Variants in DAB1 observed in about 807,000 individuals in gnomAD.
DAB1 encodes DAB adaptor protein 1.
In DAB1, 15 loss-of-function variants were observed where a neutral mutation model predicts 64.6. That is an observed-to-expected ratio of 0.23 (90% confidence interval 0.16 to 0.36). DAB1 has a LOEUF of 0.36. Ranked by LOEUF, DAB1 falls within the 10% of genes least tolerant of loss-of-function variation. The pLI is 1.00. For missense variants in DAB1, 596 were observed against 706.7 expected (o/e 0.84, Z 1.78); for synonymous variants, 235 against 251.9 (o/e 0.93, Z 0.64).
intron 5 of DAB1, among the ~76,000 whole-genome samples, chr1:57,934,744 C>T (rs150921170): frequency 2.6e-4 from 40 of 152,304 alleles, no homozygotes; most frequent in African/African-American, 6.3e-4. Context: ...GGCCATGCCA[C>T]GGTACTTCCT....
At chr1:58,413,502 T>C (rs2100208879) in intron 3 of DAB1, among the ~76,000 whole-genome samples, 1 of 152,238 alleles carries the variant, frequency 6.6e-6, no homozygotes, top group South Asian at 2.1e-4. Context: ...CTCTTATCCA[T>C]CAAACTGCAC....
At chr1:57,906,908 C>T (rs775114642) in intron 5 of DAB1, among the ~76,000 whole-genome samples, 2 of 151,320 alleles carry the variant, frequency 1.3e-5, no homozygotes, top group Non-Finnish European at 2.9e-5. Flanking sequence ...TCTTAGCAGA[C>T]ACACATATAA....
At chr1:57,216,998 T>G (rs1666476080) in intron 2 of DAB1, among the ~76,000 whole-genome samples, 1 of 152,196 alleles carries the variant, frequency 6.6e-6, no homozygotes, top group Non-Finnish European at 1.5e-5. Flanking sequence ...ATCCAGGGAC[T>G]TCATGTCCTG....
intron 6 of DAB1, among the ~76,000 whole-genome samples, chr1:57,709,963 C>T (rs1054722727): frequency 4.6e-5 from 7 of 152,054 alleles, no homozygotes; most frequent in Admixed American, 2.6e-4. Flanking sequence ...TCTACTTTTG[C>T]GACTTGATTT....
intron 2 of DAB1, among the ~76,000 whole-genome samples, chr1:57,218,259 A>G (rs751540252): frequency 2.6e-5 from 4 of 152,194 alleles, no homozygotes; most frequent in Non-Finnish European, 5.9e-5. Context: ...TAAAGCATTT[A>G]TCTATCCACA....
intron 3 of DAB1, among the ~76,000 whole-genome samples, chr1:58,490,186 A>C (rs6673741): frequency 0.027 from 4,083 of 152,276 alleles, 178 homozygotes; most frequent in African/African-American, 0.092. Flanking sequence ...AGAAGTTAAA[A>C]ATCTTGAAAA....
At position 57,817,940 on chromosome 1, in the gene DAB1, C is replaced by T. The variant is rs143234231; in HGVS notation, n.551+66059G>A. On this transcript the variant is annotated intron_variant and non_coding_transcript_variant, in intron 6 of 20. Transcript: ENST00000485760. ...CACTGTCTTAGGGAGGGCTTCAATG[C>T]GTCCTCAGAAATTTTTTAAAATAAG... 8.4e-4 allele frequency among the ~76,000 whole-genome samples: 128 copies of T among 152,208 alleles called. 1 individual carries two copies. The highest frequency in any genetic ancestry group is 3.1e-3 in the African/African-American group (128 of 41,532).
rs1211894610 is a variant in DAB1, at chr1:57,198,687, A to ACACACACC, written c.68-53259_68-53258insGGTGTGTG. On this transcript the variant is annotated intron_variant, in intron 2 of 14. Coordinates refer to ENST00000371236, the MANE Select transcript of DAB1 (RefSeq NM_001365792.1). ...CACACACACACACACACACACACAC[A>ACACACACC]CACCCATCAACTTTTCCTGGGAGAG... Among the ~76,000 whole-genome samples, 3 of 150,742 alleles carry ACACACACC rather than the reference A, an allele frequency of 2.0e-5. No individual in the cohort carries two copies. In the South Asian group the frequency reaches 6.4e-4, roughly 32 times the overall value.
At chr1:57,638,236 G>A (rs1247534257) in intron 7 of DAB1, among the ~76,000 whole-genome samples, 12 of 151,902 alleles carry the variant, frequency 7.9e-5, no homozygotes. Flanking sequence ...TCAAAAAGGG[G>A]CTTACAAAAA....
chr1:58,491,911 G>A (rs973347084), intron 3 of DAB1, among the ~76,000 whole-genome samples: 2 of 152,060 alleles, frequency 1.3e-5, no homozygotes, highest in African/African-American at 2.4e-5. Context: ...TGCACCAAGT[G>A]GACCTAATAG....
At chr1:57,184,213 G>A (rs973915440) in intron 2 of DAB1, among the ~76,000 whole-genome samples, 1 of 152,216 alleles carries the variant, frequency 6.6e-6, no homozygotes, top group Non-Finnish European at 1.5e-5. Flanking sequence ...ACAAGAATGT[G>A]GGTGAAAGCC....
At chr1:57,379,182 A>C (rs1172917353) in intron 1 of DAB1, among the ~76,000 whole-genome samples, 1 of 152,160 alleles carries the variant, frequency 6.6e-6, no homozygotes, top group South Asian at 2.1e-4. Flanking sequence ...CTCCCCCACC[A>C]TCTTTTCCTA....
intron 5 of DAB1, among the ~76,000 whole-genome samples, chr1:57,922,090 T>G (rs576031144): frequency 6.6e-6 from 1 of 152,350 alleles, no homozygotes; most frequent in South Asian, 2.1e-4. Context: ...CCCATTTCTC[T>G]TTATTCCCTC....
rs1027503379 is a variant in DAB1, at chr1:58,192,908, A to T, written n.310-42320T>A. ...AAGATGAAAAGACTTCTGTGGATGG[A>T]GGGTGGTAATGAACAAAACAATGTG... is the stretch of plus-strand genomic sequence containing the variant. On this transcript the variant is annotated intron_variant and non_coding_transcript_variant, in intron 4 of 20. Coordinates refer to the DAB1 transcript ENST00000485760. Among the ~76,000 whole-genome samples, 37 of 152,206 alleles carry T rather than the reference A, an allele frequency of 2.4e-4. 1 individual carries two copies. The highest frequency in any genetic ancestry group is 2.4e-3 in the Admixed American group (37 of 15,282).
intron 4 of DAB1, among the ~76,000 whole-genome samples, chr1:58,187,948 A>G (rs952914452): frequency 6.9e-6 from 1 of 145,894 alleles, no homozygotes; most frequent in African/African-American, 2.6e-5. Flanking sequence ...TCGCTCTTAC[A>G]CCCAGGCTGG....
At chr1:57,984,813 G>A (rs1273598036) in intron 5 of DAB1, among the ~76,000 whole-genome samples, 1 of 152,158 alleles carries the variant, frequency 6.6e-6, no homozygotes, top group East Asian at 1.9e-4. Context: ...CCAACTTGGA[G>A]AGCATAGAGT....
chr1:58,138,142 G>A (rs1654051886), intron 5 of DAB1, among the ~76,000 whole-genome samples: 1 of 152,150 alleles, frequency 6.6e-6, no homozygotes, highest in Non-Finnish European at 1.5e-5. Flanking sequence ...GCATTTTCAT[G>A]TTTTTCATTT....
chr1:57,679,446 A>C (rs1646610883), intron 6 of DAB1, among the ~76,000 whole-genome samples: 1 of 152,252 alleles, frequency 6.6e-6, no homozygotes, highest in South Asian at 2.1e-4. Flanking sequence ...GTAGAAGCAC[A>C]CGCTCTTCAT....
chr1:57,261,980 C>T (rs1558045776), intron 2 of DAB1, among the ~76,000 whole-genome samples: 2 of 152,094 alleles, frequency 1.3e-5, no homozygotes, highest in Non-Finnish European at 2.9e-5. Context: ...ATAAAAGAGG[C>T]ACAGCTACTG....
Sources: allele counts gnomAD v4.1 joint callset (sites outside exome capture counted in the v4.1 genomes callset), GRCh38; gene constraint gnomAD v4.1.1; transcripts MANE v1.5; gene names NCBI Gene and HGNC (gene_info 2026-07-23, HGNC 2026-07-21).